PALLD: variants seen among roughly 807,000 people sequenced by gnomAD.
The protein encoded by PALLD is palladin, cytoskeletal associated protein.
Under a neutral mutation model 123.5 loss-of-function variants are expected in PALLD, and 61 were observed. That is an observed-to-expected ratio of 0.49 (90% CI 0.40 to 0.61). The LOEUF (loss-of-function observed/expected upper bound fraction) is 0.61. Among genes scored for constraint, PALLD ranks in the 20% least tolerant of loss-of-function variants. PALLD has a pLI of 0.00. For missense variants in PALLD, 1,273 were observed against 1,377.0 expected (o/e 0.92, Z 1.20); for synonymous variants, 465 against 496.4 (o/e 0.94, Z 0.84).
intron 2 of PALLD, among the ~76,000 whole-genome samples, chr4:168,563,318 A>T (rs1275136052): frequency 1.3e-5 from 2 of 152,202 alleles, no homozygotes; most frequent in Non-Finnish European, 2.9e-5. Flanking sequence ...TAAGGCAGTT[A>T]AAGGCATGTC....
At chr4:168,575,466 A>G (rs552634177) in intron 2 of PALLD, among the ~76,000 whole-genome samples, 3 of 152,050 alleles carry the variant, frequency 2.0e-5, no homozygotes, top group Non-Finnish European at 4.4e-5. Flanking sequence ...AACCGCCCCC[A>G]TGATCCAATC....
At chr4:168,681,282 T>C (rs1781523446) in intron 3 of PALLD, 50 bp from the exon 4 acceptor site, 1 of 1,044,378 alleles carries the variant, frequency 9.6e-7, no homozygotes, top group African/African-American at 1.6e-5. Flanking sequence ...GCAATTATTA[T>C]AGATAACACT....
intron 2 of PALLD, among the ~76,000 whole-genome samples, chr4:168,664,274 G>GATA (rs10688580): frequency 0.26 from 38,851 of 151,952 alleles, 5,807 homozygotes; most frequent in African/African-American, 0.42. Flanking sequence ...TAAACTGAGT[G>GATA]ATGATGAGTT....
intron 2 of PALLD, among the ~76,000 whole-genome samples, chr4:168,577,281 T>C (rs1441872025): frequency 6.6e-6 from 1 of 152,112 alleles, no homozygotes; most frequent in Non-Finnish European, 1.5e-5. Flanking sequence ...TCAGCTATTG[T>C]TATAGACACA....
intron 2 of PALLD, among the ~76,000 whole-genome samples, chr4:168,527,441 A>AAAAAAAAAAAT: frequency 6.8e-6 from 1 of 148,000 alleles, no homozygotes; most frequent in African/African-American, 2.5e-5. Context: ...AAAAAAAAAA[A>AAAAAAAAAAAT]AAAGTCATGC....
chr4:168,924,575 C>A (rs1762215298), intron 19 of PALLD, among the ~76,000 whole-genome samples, 155 bp downstream of exon 19: 1 of 152,050 alleles, frequency 6.6e-6, no homozygotes, highest in South Asian at 2.1e-4. Context: ...CATGCGTTAC[C>A]CAATGTAGGA....
At chr4:168,650,643 C>CT (rs895177411) in intron 2 of PALLD, among the ~76,000 whole-genome samples, 1 of 152,014 alleles carries the variant, frequency 6.6e-6, no homozygotes, top group African/African-American at 2.4e-5. Flanking sequence ...TTGTCAAATT[C>CT]TTTTTTTAAC....
chr4:168,912,298 AACTC>A (rs1226174600), intron 15 of PALLD, among the ~76,000 whole-genome samples: 1 of 152,194 alleles, frequency 6.6e-6, no homozygotes, highest in African/African-American at 2.4e-5. Context: ...TCTGAGCTAG[AACTC>A]ACTAAGTCTA....
At chr4:168,805,924 G>A (rs189856265) in intron 10 of PALLD, among the ~76,000 whole-genome samples, 237 of 152,198 alleles carry the variant, frequency 1.6e-3, no homozygotes, top group African/African-American at 4.9e-3. Context: ...TTGATGATGC[G>A]GTTTGGCCCT....
In PALLD at chr4:168,928,154, A is replaced by G. The variant is rs1196346701; in HGVS notation, c.*1974A>G. 5.3e-6 allele frequency: 1 copy of G among 189,966 alleles called. No individual in the cohort carries two copies. Among genetic ancestry groups the G allele is most frequent in the Non-Finnish European group, 1.1e-5 (1 of 90,132 alleles). The allele number at this position is 189,966 out of a possible 1,614,324, so 11.8% of individuals were successfully genotyped here. A position where few individuals can be genotyped will look rare whatever the true frequency, so the allele number is the denominator to read the frequency against. On this transcript the variant is annotated 3_prime_UTR_variant, in exon 22 of 22. Coordinates refer to ENST00000505667, the MANE Select transcript of PALLD (RefSeq NM_001166108.2). ...AGTTTCTTTGACCGCACTTATATGCATTGCTAATATGGAATTTAAGATACC... is the reference window on the plus strand; with the variant it reads ...AGTTTCTTTGACCGCACTTATATGCGTTGCTAATATGGAATTTAAGATACC...
chr4:168,609,345 C>CAAA (rs5863949), intron 2 of PALLD, among the ~76,000 whole-genome samples: 8,757 of 71,192 alleles, frequency 0.12, 648 homozygotes, highest in African/African-American at 0.18. Context: ...AAGCTGTTAC[C>CAAA]AAAAAAAAAA....
rs74605631 is a variant in PALLD at position 168,832,207 on chromosome 4, G to T, written c.1965-58715G>T. 7.6e-3 allele frequency: 7,516 copies of T among 985,198 alleles called. 451 individuals are homozygous for T. In the African/African-American group the frequency reaches 0.12, roughly 16 times the overall value. 61.0% of individuals were successfully genotyped at this position (985,198 alleles called of 1,614,324 possible). On this transcript the variant is annotated intron_variant, in intron 10 of 21. Coordinates refer to ENST00000505667, the MANE Select transcript of PALLD (RefSeq NM_001166108.2). ...GGAATCGGCCCTGAGGCTGGTGGAAGAAATGTGTGAATTAAAGGGAGTGCA... is the reference window on the plus strand; with the variant it reads ...GGAATCGGCCCTGAGGCTGGTGGAATAAATGTGTGAATTAAAGGGAGTGCA...
chr4:168,831,635 G>A (rs1327106482), intron 10 of PALLD, among the ~76,000 whole-genome samples: 1 of 152,066 alleles, frequency 6.6e-6, no homozygotes, highest in Non-Finnish European at 1.5e-5. Context: ...TTCCTTCAGG[G>A]CAGCTTCCAT....
At chr4:168,640,948 C>T (rs1776876876) in intron 2 of PALLD, among the ~76,000 whole-genome samples, 1 of 152,120 alleles carries the variant, frequency 6.6e-6, no homozygotes, top group Admixed American at 6.5e-5. Context: ...GTGGCCTACG[C>T]CTGTAATCCC....
intron 2 of PALLD, among the ~76,000 whole-genome samples, chr4:168,536,241 T>C (rs1765076144): frequency 6.6e-6 from 1 of 152,200 alleles, no homozygotes; most frequent in Non-Finnish European, 1.5e-5. Flanking sequence ...CCTGTTGCCC[T>C]TCCAGCAAAA....
intron 10 of PALLD, among the ~76,000 whole-genome samples, chr4:168,779,538 C>T (rs987349840): frequency 6.6e-6 from 1 of 151,416 alleles, no homozygotes; most frequent in East Asian, 1.9e-4. Context: ...TACACACACA[C>T]ATGTGCACAC....
chr4:168,515,911 G>A lies in PALLD; in HGVS notation c.908+3499G>A, dbSNP rs534467718. The stretch of plus-strand genomic sequence containing the variant: ...GTTTGCTTTTGAAAGCTGGCATGAT[G>A]AACCTTACAAATGTGGATAAAGAAG... On this transcript the variant is annotated intron_variant, in intron 2 of 21. Coordinates refer to ENST00000505667, the MANE Select transcript of PALLD (RefSeq NM_001166108.2). 5.3e-5 allele frequency among the ~76,000 whole-genome samples: 8 copies of A among 152,246 alleles called. No homozygotes were observed. In the East Asian group the frequency reaches 1.5e-3, roughly 29 times the overall value.
At position 168,682,905 on chromosome 4, in the gene PALLD, A is replaced by G. The variant is rs1338597157; in HGVS notation, c.1155-93A>G. 4 of 735,204 alleles carry G rather than the reference A, an allele frequency of 5.4e-6. No individual in the cohort carries two copies. In the East Asian group the frequency reaches 8.2e-5, roughly 15 times the overall value. 45.5% of individuals were successfully genotyped at this position (735,204 alleles called of 1,614,324 possible). A position where few individuals can be genotyped will look rare whatever the true frequency, so the allele number is the denominator to read the frequency against. ...AAAAGAAACCCAGCTTTTCTGTTGAAACGTTTCAAGGAATTATTTCTGCTA... is the reference window on the plus strand; with the variant it reads ...AAAAGAAACCCAGCTTTTCTGTTGAGACGTTTCAAGGAATTATTTCTGCTA... On this transcript the variant is annotated intron_variant, in intron 4 of 21. Transcript: ENST00000505667.
At chr4:168,883,891 T>C (rs1386931657) in intron 10 of PALLD, among the ~76,000 whole-genome samples, 2 of 152,076 alleles carry the variant, frequency 1.3e-5, no homozygotes, top group Admixed American at 6.6e-5. Context: ...AGAGTTCTGG[T>C]TTTGGTAACT....
Sources: allele counts gnomAD v4.1 joint callset (sites outside exome capture counted in the v4.1 genomes callset), GRCh38; gene constraint gnomAD v4.1.1; transcripts MANE v1.5; gene names NCBI Gene and HGNC (gene_info 2026-07-23, HGNC 2026-07-21).